Variants in VWA3A observed in about 807,000 individuals in gnomAD.
The protein encoded by VWA3A is von Willebrand factor A domain containing 3A.
VWA3A carries 134 observed loss-of-function variants against 160.4 expected under a neutral mutation model. The ratio of observed to expected loss-of-function variants is 0.84; its 90% CI spans 0.73 to 0.96. VWA3A has a LOEUF of 0.96. Ranked by LOEUF, VWA3A falls within the 40% of genes least tolerant of loss-of-function variation. VWA3A has a pLI of 0.00. For synonymous variants in VWA3A, 476 were observed against 543.4 expected (o/e 0.88, Z 1.72); for missense variants, 1,310 against 1,447.9 (o/e 0.90, Z 1.55).
intron 27 of VWA3A, 46 bp downstream of exon 27, chr16:22,146,390 GTAGAAGGC>G (rs772569837): frequency 9.0e-6 from 14 of 1,556,632 alleles, no homozygotes; most frequent in Non-Finnish European, 1.2e-5. Context: ...ATGAGGGGAT[GTAGAAGGC>G]TAGCCCCAGG....
chr16:22,148,909 A>AT (rs1413777184), intron 28 of VWA3A, among the ~76,000 whole-genome samples: 1 of 152,192 alleles, frequency 6.6e-6, no homozygotes, highest in South Asian at 2.1e-4. Context: ...TAATGATTTA[A>AT]TTTTTTTAAT....
intron 1 of VWA3A, among the ~76,000 whole-genome samples, chr16:22,093,248 G>A (rs748376076): frequency 2.6e-4 from 39 of 152,198 alleles, no homozygotes; most frequent in Non-Finnish European, 4.0e-4. Context: ...GGAGGGGTGC[G>A]CGGGGGTTCA....
At chr16:22,143,838 T>C (rs2046198297) in intron 25 of VWA3A, among the ~76,000 whole-genome samples, 1 of 151,636 alleles carries the variant, frequency 6.6e-6, no homozygotes, top group East Asian at 1.9e-4. Flanking sequence ...CCTCCTGGGT[T>C]CAAACGATTC....
chr16:22,106,890 G>C (rs1398558253), intron 6 of VWA3A, among the ~76,000 whole-genome samples: 11 of 152,194 alleles, frequency 7.2e-5, no homozygotes, highest in Non-Finnish European at 1.5e-5. Flanking sequence ...AGCAGAACTT[G>C]CTGATGGATT....
chr16:22,110,766 C>G (rs771418157), intron 7 of VWA3A, 122 bp from the exon 8 acceptor site: 3 of 775,950 alleles, frequency 3.9e-6, no homozygotes, highest in Non-Finnish European at 5.7e-6. Flanking sequence ...AGCCCAGCCT[C>G]GAGCAGCCCT....
At chr16:22,147,787 A>C (rs1211532756) in intron 27 of VWA3A, 8 of 648,554 alleles carry the variant, frequency 1.2e-5, no homozygotes, top group Non-Finnish European at 1.9e-5. Context: ...CAGCTCACAT[A>C]CCAGTACACA....
At chr16:22,097,834 T>C in intron 3 of VWA3A, 139 bp downstream of exon 3, 5 of 1,188,488 alleles carry the variant, frequency 4.2e-6, no homozygotes, top group African/African-American at 1.5e-5. Flanking sequence ...TTATCTCTAA[T>C]CCTCTGCCTT....
At chr16:22,107,409 A>G (rs2141859418) in intron 6 of VWA3A, among the ~76,000 whole-genome samples, 1 of 152,286 alleles carries the variant, frequency 6.6e-6, no homozygotes, top group South Asian at 2.1e-4. Flanking sequence ...ATAGTGCCAA[A>G]TGTCAATAGT....
intron 22 of VWA3A, among the ~76,000 whole-genome samples, chr16:22,139,551 G>A (rs564413845): frequency 1.1e-4 from 17 of 152,172 alleles, no homozygotes; most frequent in South Asian, 6.2e-4. Flanking sequence ...GAAATTAGCC[G>A]GGTGTGGTGG....
chr16:22,136,520 T>C (rs1264404142), intron 21 of VWA3A, among the ~76,000 whole-genome samples: 3 of 152,082 alleles, frequency 2.0e-5, no homozygotes, highest in Non-Finnish European at 2.9e-5. Flanking sequence ...TTAGCAAGGC[T>C]GTGGTCGAGG....
At chr16:22,092,747 C>T in intron 1 of VWA3A, 96 bp downstream of exon 1, 1 of 1,489,928 alleles carries the variant, frequency 6.7e-7, no homozygotes. Flanking sequence ...ATCGAGGGAG[C>T]TTGGGGTGTG....
intron 23 of VWA3A, among the ~76,000 whole-genome samples, chr16:22,140,962 G>A (rs993967857): frequency 1.3e-5 from 2 of 152,076 alleles, no homozygotes; most frequent in African/African-American, 2.4e-5. Context: ...TAACTAAAAC[G>A]ATCAATGATC....
At chr16:22,128,005 G>A (rs1384925616) in intron 17 of VWA3A, among the ~76,000 whole-genome samples, 3 of 152,148 alleles carry the variant, frequency 2.0e-5, no homozygotes, top group Admixed American at 2.0e-4. Context: ...TGGGAATGAT[G>A]GGGTCCTAGG....
chr16:22,110,724 G>A (rs572690536), intron 7 of VWA3A, among the ~76,000 whole-genome samples, 164 bp from the exon 8 acceptor site: 1 of 152,322 alleles, frequency 6.6e-6, no homozygotes, highest in East Asian at 1.9e-4. Flanking sequence ...CCGGCAGGCA[G>A]GAAGCAAATG....
At chr16:22,136,897 A>ACG (rs987438747) in intron 21 of VWA3A, among the ~76,000 whole-genome samples, 11 of 115,494 alleles carry the variant, frequency 9.5e-5, no homozygotes, top group Admixed American at 1.6e-4. Context: ...ACACACACGC[A>ACG]CACACACACA....
At chr16:22,121,690 T>C in intron 14 of VWA3A, 73 bp downstream of exon 14, 1 of 1,215,056 alleles carries the variant, frequency 8.2e-7, no homozygotes, top group Non-Finnish European at 1.2e-6. Flanking sequence ...CCTTCATAAA[T>C]GTTCTGGCAG....
rs756921057 is a variant in VWA3A, at chr16:22,146,360, G to A, written c.2839+16G>A. On this transcript the variant is annotated intron_variant, in intron 27 of 33. Transcript: ENST00000389398. Reference sequence around the variant, plus strand: ...CTGCTGTCCGGTGAGCCTGCCCACTGCCCTGAAGGGTGGAGGAGCATGAGG... The same window carrying A: ...CTGCTGTCCGGTGAGCCTGCCCACTACCCTGAAGGGTGGAGGAGCATGAGG... The A allele has an allele frequency of 6.2e-7, 1 of 1,607,068 alleles. No homozygotes were observed. Among genetic ancestry groups the A allele is most frequent in the Non-Finnish European group, 8.5e-7 (1 of 1,175,280 alleles).
At chr16:22,129,820 C>T (rs1231543949) in intron 17 of VWA3A, among the ~76,000 whole-genome samples, 1 of 151,950 alleles carries the variant, frequency 6.6e-6, no homozygotes, top group Non-Finnish European at 1.5e-5. Flanking sequence ...AAAGAAGAAC[C>T]CAGAGAGGTG....
At chr16:22,141,057 A>G in intron 23 of VWA3A, 1 of 370,780 alleles carries the variant, frequency 2.7e-6, no homozygotes, top group African/African-American at 2.1e-5. Context: ...TCTGTATTCT[A>G]TCAGCTTCCT....
Sources: allele counts gnomAD v4.1 joint callset (sites outside exome capture counted in the v4.1 genomes callset), GRCh38; gene constraint gnomAD v4.1.1; transcripts MANE v1.5; gene names NCBI Gene and HGNC (gene_info 2026-07-23, HGNC 2026-07-21).